SEL1L: variants seen among roughly 807,000 people sequenced by gnomAD.
The protein encoded by SEL1L is SEL1L adaptor subunit of SYVN1 ubiquitin ligase, also known as protein sel-1 homolog 1.
A neutral mutation model predicts 109.8 loss-of-function variants in SEL1L; 52 were observed. That is an observed-to-expected ratio of 0.47 (90% CI 0.38 to 0.60). SEL1L has a LOEUF of 0.60. SEL1L is among the 20% of genes least tolerant of loss of function. The pLI is 0.00. For missense variants in SEL1L, 749 were observed against 962.2 expected (o/e 0.78, Z 2.93); for synonymous variants, 373 against 339.6 (o/e 1.10, Z -1.08).
chr14:81,486,556 C>T, intron 16 of SEL1L, 102 bp from the exon 17 acceptor site: 1 of 1,093,078 alleles, frequency 9.1e-7, no homozygotes, highest in Non-Finnish European at 1.3e-6. Context: ...TAAGCTTGCT[C>T]CTTCAATTTC....
chr14:81,486,923 T>C (rs1903538532), intron 16 of SEL1L, among the ~76,000 whole-genome samples: 1 of 151,934 alleles, frequency 6.6e-6, no homozygotes, highest in African/African-American at 2.4e-5. Context: ...TTAGGAGATA[T>C]TAGCATTCCT....
intron 3 of SEL1L, among the ~76,000 whole-genome samples, chr14:81,518,119 C>T (rs1004269519): frequency 2.0e-5 from 3 of 151,666 alleles, no homozygotes; most frequent in Admixed American, 6.6e-5. Flanking sequence ...TCTTGAACTC[C>T]TGGCCTCAAG....
intron 8 of SEL1L, chr14:81,499,169 C>A: frequency 8.8e-7 from 1 of 1,131,484 alleles, no homozygotes; most frequent in Non-Finnish European, 1.1e-6. Context: ...ATGATTCTGA[C>A]AATTCCAACT....
intron 20 of SEL1L, among the ~76,000 whole-genome samples, chr14:81,478,235 A>T (rs1481247580): frequency 6.6e-6 from 1 of 152,208 alleles, no homozygotes; most frequent in Non-Finnish European, 1.5e-5. Flanking sequence ...CTGGAAAAAA[A>T]ATGACAAGAA....
intron 14 of SEL1L, chr14:81,488,949 A>T: frequency 2.8e-6 from 1 of 359,056 alleles, no homozygotes; most frequent in Non-Finnish European, 5.0e-6. Flanking sequence ...AAAGCAGGCA[A>T]GGAGATGTTT....
chr14:81,477,512 A>C (rs1420726190), intron 20 of SEL1L, among the ~76,000 whole-genome samples: 1 of 152,178 alleles, frequency 6.6e-6, no homozygotes, highest in Non-Finnish European at 1.5e-5. Context: ...AAAACAAAAC[A>C]AAACAAAACA....
intron 3 of SEL1L, among the ~76,000 whole-genome samples, 162 bp from the exon 4 acceptor site, chr14:81,506,403 G>A (rs1280274796): frequency 6.6e-6 from 1 of 152,164 alleles, no homozygotes; most frequent in Admixed American, 6.5e-5. Flanking sequence ...GATTAGGGAG[G>A]ACTTGGTTTA....
rs575930187 is a variant in SEL1L at position 81,479,102 on chromosome 14, C to T, written c.2175+510G>A. 2.0e-5 allele frequency among the ~76,000 whole-genome samples: 3 copies of T among 152,264 alleles called. No individual in the cohort carries two copies. The South Asian group carries it at 6.2e-4, about 32-fold the overall frequency. On this transcript the variant is annotated intron_variant, in intron 20 of 20. Transcript: ENST00000336735. ...TTTGAAGAAAATGGGTAACCCACTT[C>T]CTATATAGGTTCTTCCATTAGCCTA...
intron 1 of SEL1L, among the ~76,000 whole-genome samples, chr14:81,529,136 C>T (rs1885231001): frequency 6.6e-6 from 1 of 152,122 alleles, no homozygotes; most frequent in Admixed American, 6.6e-5. Context: ...ATTAGTCCCA[C>T]AGCGCCCATA....
chr14:81,496,322 A>AAAAAAC (rs151201599), intron 10 of SEL1L, among the ~76,000 whole-genome samples: 10,474 of 150,912 alleles, frequency 0.069, 494 homozygotes, highest in Middle Eastern at 0.13. Flanking sequence ...ACTCCGTCTC[A>AAAAAAC]AAAAACAAAA....
At position 81,477,087 on chromosome 14, in the gene SEL1L, G is replaced by A; in HGVS notation, c.2270C>T (p.Thr757Ile). 6.2e-7 allele frequency: 1 copy of A among 1,614,166 alleles called. No homozygotes were observed. The highest frequency in any genetic ancestry group is 8.5e-7 in the Non-Finnish European group (1 of 1,180,030). Residue 757 changes from threonine (T) to isoleucine (I), a missense_variant, in exon 21 of 21, where the codon ACA (threonine) becomes ATA (isoleucine). Thr to Ile is a moderately conservative substitution (Grantham distance 89). Transcript: ENST00000336735. ...CTGCCTTTGCCTGTAAGCTATGACT[G>A]TTCCCAACAGCAGCGCAATGATGGT... ...LMTIIALLLGTVIAYRQRQHQ... is the reference protein window; with the variant it reads ...LMTIIALLLGIVIAYRQRQHQ...
intron 4 of SEL1L, among the ~76,000 whole-genome samples, chr14:81,505,181 T>C (rs1884189492): frequency 6.6e-6 from 1 of 152,218 alleles, no homozygotes; most frequent in African/African-American, 2.4e-5. Flanking sequence ...TGAAAATATT[T>C]GATTAACTAT....
At chr14:81,514,184 C>T (rs577071668) in intron 3 of SEL1L, among the ~76,000 whole-genome samples, 179 of 152,328 alleles carry the variant, frequency 1.2e-3, no homozygotes, top group Admixed American at 1.7e-3. Flanking sequence ...CCCATCGGGG[C>T]GGGGGACTAA....
At position 81,520,947 on chromosome 14, in the gene SEL1L, A is replaced by T. The variant is rs529208556; in HGVS notation, c.340+5786T>A. Among the ~76,000 whole-genome samples, 4 of 152,232 alleles carry T rather than the reference A, an allele frequency of 2.6e-5. No homozygotes were observed. In the South Asian group the frequency reaches 6.2e-4, roughly 24 times the overall value. On this transcript the variant is annotated intron_variant, in intron 3 of 20. Coordinates refer to ENST00000336735, the MANE Select transcript of SEL1L (RefSeq NM_005065.6). ...CCTTGAGTGTTGAACTCTGGGCTGG[A>T]GCACAGTCTAATTGAGGAAAGAAAC...
At chr14:81,478,157 T>C (rs946340532) in intron 20 of SEL1L, among the ~76,000 whole-genome samples, 1 of 152,212 alleles carries the variant, frequency 6.6e-6, no homozygotes, top group Non-Finnish European at 1.5e-5. Flanking sequence ...ACATGGGGTA[T>C]AATTTTATAT....
chr14:81,519,401 A>G (rs1177106227), intron 3 of SEL1L, among the ~76,000 whole-genome samples: 2 of 152,234 alleles, frequency 1.3e-5, no homozygotes, highest in Non-Finnish European at 2.9e-5. Context: ...AAATTACTGC[A>G]CCTGAGGGTG....
chr14:81,490,589 C>T, intron 12 of SEL1L, 124 bp from the exon 13 acceptor site: 1 of 734,636 alleles, frequency 1.4e-6, no homozygotes, highest in Non-Finnish European at 2.3e-6. Flanking sequence ...TTTAGAATTC[C>T]CCACAGGATA....
rs1885426424 is a variant in SEL1L, at chr14:81,533,684, C to T, written c.61G>A (p.Ala21Thr). 2 of 1,613,174 alleles carry T rather than the reference C, an allele frequency of 1.2e-6. No individual in the cohort carries two copies. The highest frequency in any genetic ancestry group is 8.5e-7 in the Non-Finnish European group (1 of 1,179,826). ...LCAVLLSLAS[A>T]SSDEEGSQDE... Reference sequence around the variant, plus strand: ...GGGGGCGGATACTGACCCGAGGACGCCGAGGCCAAGCTCAGCAGCACCGCA... The same window carrying T: ...GGGGGCGGATACTGACCCGAGGACGTCGAGGCCAAGCTCAGCAGCACCGCA... Residue 21 changes from alanine (A) to threonine (T), a missense_variant, in exon 1 of 21, where the codon GCG becomes ACG. This residue lies in a region of SEL1L where 366 missense variants were observed against 399.8 expected (regional missense o/e 0.92). Transcript: ENST00000336735.
At chr14:81,516,966 AT>A (rs1010542098) in intron 3 of SEL1L, among the ~76,000 whole-genome samples, 1 of 152,116 alleles carries the variant, frequency 6.6e-6, no homozygotes, top group African/African-American at 2.4e-5. Context: ...TATATGTCAA[AT>A]CCCCCTACCA....
Sources: allele counts gnomAD v4.1 joint callset (sites outside exome capture counted in the v4.1 genomes callset), GRCh38; gene constraint gnomAD v4.1.1; regional missense constraint gnomAD v4.1.1; transcripts MANE v1.5; gene names NCBI Gene and HGNC (gene_info 2026-07-23, HGNC 2026-07-21).